Variants in B3GALT1 observed in about 807,000 individuals in gnomAD.
B3GALT1 encodes beta-1,3-galactosyltransferase 1.
A neutral mutation model predicts 23.2 loss-of-function variants in B3GALT1; 10 were observed. The observed-to-expected ratio is 0.43, with a 90% CI of 0.27 to 0.73. The LOEUF (loss-of-function observed/expected upper bound fraction) is 0.73, where lower values mean the gene tolerates loss of function less well. Among genes scored for constraint, B3GALT1 ranks in the 30% least tolerant of loss-of-function variants. B3GALT1 has a pLI of 0.21. For missense variants in B3GALT1, 299 were observed against 405.4 expected (o/e 0.74, Z 2.25); for synonymous variants, 156 against 141.5 (o/e 1.10, Z -0.73).
intron 1 of B3GALT1, among the ~76,000 whole-genome samples, chr2:167,478,144 AT>A (rs1469340249): frequency 6.6e-6 from 1 of 152,206 alleles, no homozygotes; most frequent in Non-Finnish European, 1.5e-5. Context: ...TTTAGCAGGC[AT>A]TTTCAAAGCA....
intron 1 of B3GALT1, among the ~76,000 whole-genome samples, chr2:167,339,145 A>G (rs987707072): frequency 6.6e-6 from 1 of 152,198 alleles, no homozygotes; most frequent in Non-Finnish European, 1.5e-5. Flanking sequence ...TGGAAGAAGA[A>G]ACTCACATAA....
chr2:167,603,418 T>G (rs1684907762), intron 2 of B3GALT1, among the ~76,000 whole-genome samples: 1 of 152,222 alleles, frequency 6.6e-6, no homozygotes, highest in African/African-American at 2.4e-5. Flanking sequence ...AGTTTCCTCC[T>G]GTGTAAAACA....
chr2:167,814,015 C>CAA (rs1688942318), intron 3 of B3GALT1, among the ~76,000 whole-genome samples: 1 of 152,296 alleles, frequency 6.6e-6, no homozygotes, highest in East Asian at 1.9e-4. Flanking sequence ...TTTATGACTT[C>CAA]ATTAAACAAA....
intron 4 of B3GALT1, among the ~76,000 whole-genome samples, chr2:167,843,429 A>T (rs1170618197): frequency 1.3e-5 from 2 of 152,156 alleles, no homozygotes; most frequent in Non-Finnish European, 2.9e-5. Context: ...CCCAGATAGG[A>T]ATCCTCAGTG....
intron 2 of B3GALT1, among the ~76,000 whole-genome samples, chr2:167,603,227 C>T (rs886902371): frequency 9.9e-5 from 15 of 152,030 alleles, no homozygotes; most frequent in African/African-American, 3.6e-4. Flanking sequence ...TCAGCTTTTC[C>T]ACCTCTACTC....
At chr2:167,372,538 A>G (rs548986914) in intron 1 of B3GALT1, among the ~76,000 whole-genome samples, 1 of 152,166 alleles carries the variant, frequency 6.6e-6, no homozygotes, top group South Asian at 2.1e-4. Flanking sequence ...AGGCCCACAG[A>G]TTGGAAATGA....
chr2:167,436,530 A>G (rs1698789379), intron 1 of B3GALT1, among the ~76,000 whole-genome samples: 1 of 152,204 alleles, frequency 6.6e-6, no homozygotes, highest in Non-Finnish European at 1.5e-5. Flanking sequence ...GAAACACTAA[A>G]TGTTAATTAA....
chr2:167,444,248 G>T (rs1368189806), intron 1 of B3GALT1, among the ~76,000 whole-genome samples: 10 of 152,182 alleles, frequency 6.6e-5, no homozygotes, highest in African/African-American at 1.9e-4. Context: ...GCTTTTTGAT[G>T]TGCTGCTGGA....
intron 2 of B3GALT1, among the ~76,000 whole-genome samples, chr2:167,610,911 A>G (rs1010156665): frequency 5.1e-4 from 4 of 7,894 alleles, no homozygotes; most frequent in South Asian, 8.4e-3. Flanking sequence ...TTATTTGTAC[A>G]AAAAAAAAAA....
At chr2:167,609,054 A>T (rs1027398813) in intron 2 of B3GALT1, among the ~76,000 whole-genome samples, 4 of 152,098 alleles carry the variant, frequency 2.6e-5, no homozygotes, top group African/African-American at 4.8e-5. Flanking sequence ...CATTTCCATT[A>T]TAAATGTTGC....
intron 1 of B3GALT1, among the ~76,000 whole-genome samples, chr2:167,414,027 C>A (rs993853920): frequency 6.6e-6 from 1 of 152,006 alleles, no homozygotes; most frequent in African/African-American, 2.4e-5. Context: ...CTATTAGGTT[C>A]ATGGCTAAGG....
rs558382659 is a variant in B3GALT1, at chr2:167,596,631, G to A, written c.-409-50278G>A. ...TTATTGAAATTCACCTAATTTCTCCGTCTCTTAAGTTTTTCCCCAGTAATA... is the reference window on the plus strand; with the variant it reads ...TTATTGAAATTCACCTAATTTCTCCATCTCTTAAGTTTTTCCCCAGTAATA... On this transcript the variant is annotated intron_variant, in intron 2 of 4. Coordinates refer to ENST00000392690, the MANE Select transcript of B3GALT1 (RefSeq NM_020981.4). Among the ~76,000 whole-genome samples the A allele has an allele frequency of 6.6e-5, 10 of 152,128 alleles. No individual in the cohort carries two copies. The South Asian group carries it at 8.3e-4, about 13-fold the overall frequency.
intron 2 of B3GALT1, among the ~76,000 whole-genome samples, chr2:167,506,277 T>C (rs570053258): frequency 1.3e-4 from 20 of 152,346 alleles, no homozygotes; most frequent in African/African-American, 4.8e-4. Context: ...TTTTCACCAT[T>C]GTATCAATGG....
At chr2:167,420,071 C>T (rs1698523754) in intron 1 of B3GALT1, among the ~76,000 whole-genome samples, 1 of 152,170 alleles carries the variant, frequency 6.6e-6, no homozygotes, top group Non-Finnish European at 1.5e-5. Context: ...TCCCTTAGAG[C>T]ATCATTCCAA....
Position 167,370,883 on chromosome 2 carries a change from G to A in B3GALT1, c.-511+77549G>A, listed in dbSNP as rs111433436. Among the ~76,000 whole-genome samples, 829 of 152,104 alleles carry A rather than the reference G, an allele frequency of 5.5e-3. 10 individuals carry two copies. Among genetic ancestry groups the A allele is most frequent in the African/African-American group, 0.019 (794 of 41,502 alleles). On this transcript the variant is annotated intron_variant, in intron 1 of 4. Transcript: ENST00000392690. ...GGAGGTTGCAGTGAGCTGAGATCAC[G>A]CCACTGCACTCCAGCCTGGGCGACA...
chr2:167,584,891 T>A (rs1429054474), intron 2 of B3GALT1, among the ~76,000 whole-genome samples: 1 of 152,202 alleles, frequency 6.6e-6, no homozygotes, highest in Non-Finnish European at 1.5e-5. Flanking sequence ...AGGAACCCTG[T>A]CCTTTTGGGT....
chr2:167,678,447 T>G (rs910037041), intron 3 of B3GALT1, among the ~76,000 whole-genome samples: 1 of 151,460 alleles, frequency 6.6e-6, no homozygotes, highest in African/African-American at 2.4e-5. Context: ...GCTTAAGTAG[T>G]CTGCCTGATG....
At chr2:167,374,614 G>A (rs749786511) in intron 1 of B3GALT1, among the ~76,000 whole-genome samples, 25 of 152,120 alleles carry the variant, frequency 1.6e-4, no homozygotes, top group Non-Finnish European at 2.5e-4. Flanking sequence ...GGTTAGTGAT[G>A]TGGAGCATTT....
intron 1 of B3GALT1, among the ~76,000 whole-genome samples, chr2:167,425,985 C>T (rs1300045376): frequency 5.3e-5 from 8 of 152,082 alleles, no homozygotes; most frequent in Admixed American, 2.0e-4. Context: ...AGCAATTTTT[C>T]AAGCTAAGGC....
Sources: gnomAD v4.1 joint callset for allele counts (sites outside exome capture counted in the v4.1 genomes callset) on GRCh38, gnomAD v4.1.1 for gene constraint, MANE v1.5 for transcripts, NCBI Gene and HGNC (gene_info 2026-07-23, HGNC 2026-07-21) for gene names.